SPTBN4: variants seen among roughly 807,000 people sequenced by gnomAD.
The protein encoded by SPTBN4 is spectrin beta chain, non-erythrocytic 4.
A neutral mutation model predicts 277.8 loss-of-function variants in SPTBN4; 96 were observed. The ratio of observed to expected loss-of-function variants is 0.35; its 90% confidence interval spans 0.29 to 0.41. The LOEUF (loss-of-function observed/expected upper bound fraction) is 0.41. Among genes scored for constraint, SPTBN4 ranks in the 10% least tolerant of loss-of-function variants. The probability of loss-of-function intolerance (pLI) is 1.00; values close to 1 mark genes in which losing one functional copy is unlikely to be tolerated. For synonymous variants in SPTBN4, 1,481 were observed against 1,580.3 expected, an observed-to-expected ratio of 0.94 and a Z score of 1.49; for missense variants, 3,006 against 3,595.7, an observed-to-expected ratio of 0.84 and a Z score of 4.19.
intron 20 of SPTBN4, among the ~76,000 whole-genome samples, chr19:40,546,611 C>T (rs529343831): frequency 2.6e-5 from 4 of 152,180 alleles, no homozygotes; most frequent in East Asian, 3.9e-4. Flanking sequence ...GGAAGGCCAA[C>T]GTGAGAATAG....
At chr19:40,509,340 G>A (rs1341970538) in intron 13 of SPTBN4, among the ~76,000 whole-genome samples, 1 of 152,096 alleles carries the variant, frequency 6.6e-6, no homozygotes, top group Non-Finnish European at 1.5e-5. Context: ...CTGCCTCCTG[G>A]GTTCAAGCGA....
At position 40,513,512 on chromosome 19, in the gene SPTBN4, G is replaced by A. The variant is rs1204571809; in HGVS notation, c.2723G>A (p.Arg908His). 7.5e-6 allele frequency: 12 copies of A among 1,596,036 alleles called. No homozygotes were observed. The highest frequency in any genetic ancestry group is 1.7e-5 in the Admixed American group (1 of 59,498). ...GEKEQWLLSMRVPDSLDDVEV... is the reference protein window; with the variant it reads ...GEKEQWLLSMHVPDSLDDVEV... Reference sequence around the variant, plus strand: ...AAGGAGCAATGGCTGCTCTCCATGCGTGTGCCGGATTCACTCGACGACGTC... The same window carrying A: ...AAGGAGCAATGGCTGCTCTCCATGCATGTGCCGGATTCACTCGACGACGTC... The change falls in exon 14 of 36, where the codon CGT becomes CAT. Residue 908 changes from arginine (R) to histidine (H), a missense_variant. Transcript: ENST00000598249.
intron 2 of SPTBN4, among the ~76,000 whole-genome samples, chr19:40,473,048 T>TTA (rs1555808255): frequency 2.0e-5 from 3 of 152,052 alleles, no homozygotes; most frequent in Non-Finnish European, 4.4e-5. Context: ...TTAAATTTAT[T>TTA]TATATATATA....
At chr19:40,478,790 AC>A (rs1465057176) in intron 2 of SPTBN4, among the ~76,000 whole-genome samples, 1 of 152,104 alleles carries the variant, frequency 6.6e-6, no homozygotes, top group East Asian at 1.9e-4. Flanking sequence ...CAAGTGGTCC[AC>A]CTGCCTCAGC....
At chr19:40,510,507 G>C (rs1168673511) in intron 13 of SPTBN4, among the ~76,000 whole-genome samples, 1 of 152,084 alleles carries the variant, frequency 6.6e-6, no homozygotes, top group Non-Finnish European at 1.5e-5. Context: ...GTTTTGCCGT[G>C]TTACCCAGGC....
intron 17 of SPTBN4, among the ~76,000 whole-genome samples, chr19:40,525,867 G>C (rs1055320556): frequency 1.3e-5 from 2 of 152,206 alleles, no homozygotes; most frequent in Non-Finnish European, 2.9e-5. Context: ...TCCCAGGCTT[G>C]TGGTGGGTGA....
At chr19:40,494,668 A>T (rs780865893) in intron 5 of SPTBN4, among the ~76,000 whole-genome samples, 27 of 151,376 alleles carry the variant, frequency 1.8e-4, no homozygotes, top group Non-Finnish European at 3.5e-4. Flanking sequence ...CTATGTATCT[A>T]CCTATCTCTC....
In SPTBN4 at chr19:40,519,268, G is replaced by A; in HGVS notation, c.2904-133G>A. The A allele has an allele frequency of 2.2e-6, 2 of 922,564 alleles. No individual in the cohort carries two copies. The highest frequency in any genetic ancestry group is 1.7e-5 in the African/African-American group (1 of 57,760). The allele number at this position is 922,564 out of a possible 1,614,324, so 57.1% of individuals were successfully genotyped here. ...CGTAGGGTTCCATTTTACACCGGCA[G>A]AAACTGGAGAAACTTTCTGAGGTCA... On this transcript the variant is annotated intron_variant, in intron 15 of 35. Coordinates refer to ENST00000598249, the MANE Select transcript of SPTBN4 (RefSeq NM_020971.3). This position sits in a 1 kb window ranked among gnomAD's most constrained non-coding sequence, Gnocchi z 5.7.
chr19:40,519,449 C>A lies in SPTBN4; in HGVS notation c.2952C>A (p.Ser984Arg). Residue 984 changes from serine to arginine, a missense_variant, in exon 16 of 36, where the codon AGC becomes AGA. Around this residue, in one of 5 missense-constraint regions of SPTBN4, gnomAD observed 1,759 missense variants for 2,061.5 expected, o/e 0.85. Transcript: ENST00000598249. The surrounding 1 kb of genome is among the most constrained non-coding windows in gnomAD (Gnocchi z 5.7). ...ELVEQRKEEMSAVLLVENHVL... is the reference protein window; with the variant it reads ...ELVEQRKEEMRAVLLVENHVL... Reference sequence around the variant, plus strand: ...TGGAACAGCGCAAAGAGGAAATGAGCGCGGTGCTGCTGGTGGAGAACCACG... The same window carrying A: ...TGGAACAGCGCAAAGAGGAAATGAGAGCGGTGCTGCTGGTGGAGAACCACG... 6.2e-7 allele frequency: 1 copy of A among 1,602,774 alleles called. No individual in the cohort carries two copies. Among genetic ancestry groups the A allele is most frequent in the Non-Finnish European group, 8.5e-7 (1 of 1,176,202 alleles).
intron 16 of SPTBN4, among the ~76,000 whole-genome samples, chr19:40,522,306 G>A (rs1456603785): frequency 6.6e-6 from 1 of 151,442 alleles, no homozygotes; most frequent in African/African-American, 2.4e-5. Context: ...GGGATTATAG[G>A]CATGAGCCAC....
In SPTBN4 at chr19:40,554,198, G is replaced by A; in HGVS notation, c.4726G>A (p.Glu1576Lys). The A allele has an allele frequency of 6.8e-7, 1 of 1,478,528 alleles. No individual in the cohort carries two copies. Among genetic ancestry groups the A allele is most frequent in the South Asian group, 1.3e-5 (1 of 75,074 alleles). 91.6% of individuals were successfully genotyped at this position (1,478,528 alleles called of 1,614,324 possible). ...AHGPRLEEVL[E>K]RAGALASLRS... ...TGGGCCGCGCCTGGAGGAGGTGCTG[G>A]AGCGCGCGGGCGCGCTGGCGTCGCT... The change falls in exon 23 of 36, where the codon GAG (glutamate) becomes AAG (lysine). Residue 1576 changes from glutamate to lysine, a missense_variant. Glu to Lys is a moderately conservative substitution (Grantham distance 56, BLOSUM62 1). Coordinates refer to ENST00000598249, the MANE Select transcript of SPTBN4 (RefSeq NM_020971.3). This position sits in a 1 kb window ranked among gnomAD's most constrained non-coding sequence, Gnocchi z 5.7.
Position 40,543,221 on chromosome 19 carries a change from G to C in SPTBN4, c.4360-5968G>C, listed in dbSNP as rs530227653. On this transcript the variant is annotated intron_variant, in intron 20 of 35. Coordinates refer to ENST00000598249, the MANE Select transcript of SPTBN4 (RefSeq NM_020971.3). ...ATCCCACACTTTAGGAGGCCAAGAT[G>C]GGAGGATTGCTTGAGGCCAGGAGTT... Among the ~76,000 whole-genome samples, 4 of 152,278 alleles carry C rather than the reference G, an allele frequency of 2.6e-5. No individual in the cohort carries two copies. In the East Asian group the frequency reaches 7.7e-4, roughly 29 times the overall value.
Position 40,467,001 on chromosome 19 carries a change from G to T in SPTBN4, c.-320G>T, listed in dbSNP as rs1177182616. On this transcript the variant is annotated 5_prime_UTR_variant, in exon 1 of 36. Transcript: ENST00000598249. ...GTGGGAGTGTGCAGCGCGTGACGCCGCCGTGCCCTCGCGAGTGCAGCCGTG... is the reference window on the plus strand; with the variant it reads ...GTGGGAGTGTGCAGCGCGTGACGCCTCCGTGCCCTCGCGAGTGCAGCCGTG... Among the ~76,000 whole-genome samples the T allele has an allele frequency of 1.3e-5, 2 of 151,934 alleles. No homozygotes were observed. The highest frequency in any genetic ancestry group is 4.8e-5 in the African/African-American group (2 of 41,422).
intron 16 of SPTBN4, among the ~76,000 whole-genome samples, chr19:40,520,906 A>G (rs1301845527): frequency 6.6e-6 from 1 of 151,940 alleles, no homozygotes; most frequent in Admixed American, 6.6e-5. Flanking sequence ...TTTGAGGATT[A>G]TCTACAGCAG....
chr19:40,469,311 C>G (rs888839978), intron 1 of SPTBN4, among the ~76,000 whole-genome samples: 2 of 151,924 alleles, frequency 1.3e-5, no homozygotes, highest in Non-Finnish European at 1.5e-5. Flanking sequence ...GTCGCCCAGG[C>G]TAGAGTTTAG....
intron 2 of SPTBN4, 58 bp from the exon 3 acceptor site, chr19:40,487,639 G>A (rs957215609): frequency 6.5e-7 from 1 of 1,536,762 alleles, no homozygotes; most frequent in South Asian, 1.3e-5. Context: ...GGCTTGGCTC[G>A]CGGAGGGCTG....
Position 40,568,114 on chromosome 19 carries a change from G to C in SPTBN4, c.6788G>C (p.Arg2263Pro), listed in dbSNP as rs2081114919. Residue 2263 changes from arginine (R) to proline (P), a missense_variant, in exon 31 of 36, where the codon CGG (arginine) becomes CCG (proline). Physicochemically the swap from Arg to Pro is moderately radical, Grantham distance 103 (BLOSUM62 -2). Around this residue, in one of 5 missense-constraint regions of SPTBN4, gnomAD observed 630 missense variants for 677.6 expected, o/e 0.93. Transcript: ENST00000598249. ...ESVDQSEEAA[R>P]RRRPERQESA... ...GTCGATCAATCCGAGGAGGCTGCGC[G>C]GAGGCGGCGGCCGGAGCGGCAGGAG... 1 of 1,571,296 alleles carries C rather than the reference G, an allele frequency of 6.4e-7. No individual in the cohort carries two copies. The highest frequency in any genetic ancestry group is 1.9e-5 in the Admixed American group (1 of 52,668).
intron 17 of SPTBN4, among the ~76,000 whole-genome samples, chr19:40,524,876 G>A (rs1372333317): frequency 3.3e-5 from 5 of 152,162 alleles, no homozygotes; most frequent in South Asian, 2.1e-4. Context: ...AGCATCTACT[G>A]TGTGCCAGGC....
chr19:40,497,681 A>G lies in SPTBN4; in HGVS notation c.784+77A>G, dbSNP rs371143109. The G allele has an allele frequency of 5.9e-6, 7 of 1,183,466 alleles. No individual in the cohort carries two copies. The East Asian group carries it at 1.2e-4, about 20-fold the overall frequency. The allele number at this position is 1,183,466 out of a possible 1,614,324, so 73.3% of individuals were successfully genotyped here. A position where few individuals can be genotyped will look rare whatever the true frequency, so the allele number is the denominator to read the frequency against. ...CCAATGCCATGTCACACTCAACTCC[A>G]TCCCACCCCAGCACCATCCCAAATC... On this transcript the variant is annotated intron_variant, in intron 7 of 35. Transcript: ENST00000598249.
Sources: gnomAD v4.1 joint callset for allele counts (sites outside exome capture counted in the v4.1 genomes callset) on GRCh38, gnomAD v4.1.1 for gene constraint, gnomAD v4.1.1 regional missense constraint, Gnocchi (gnomAD v3.1) non-coding constraint, MANE v1.5 for transcripts, NCBI Gene and HGNC (gene_info 2026-07-23, HGNC 2026-07-21) for gene names.